LYPD6B: variants seen among roughly 807,000 people sequenced by gnomAD.
LYPD6B encodes the protein ly6/PLAUR domain-containing protein 6B.
A neutral mutation model predicts 22.8 loss-of-function variants in LYPD6B; 17 were observed. The ratio of observed to expected loss-of-function variants is 0.75; its 90% CI spans 0.51 to 1.12. The LOEUF is 1.12. Ranked by LOEUF, LYPD6B falls within the 50% of genes most tolerant of loss-of-function variation. The pLI, the probability that LYPD6B is intolerant of heterozygous loss-of-function variation, is 0.00. For synonymous variants in LYPD6B, 106 were observed against 91.6 expected, an observed-to-expected ratio of 1.16 and a Z score of -0.90; for missense variants, 221 against 258.3, an observed-to-expected ratio of 0.86 and a Z score of 0.99.
chr2:149,059,272 A>G (rs1471649), intron 1 of LYPD6B, among the ~76,000 whole-genome samples: 80,793 of 152,170 alleles, frequency 0.53, 22,801 homozygotes, highest in Non-Finnish European at 0.61. Context: ...TTAATAATGT[A>G]CATTCCTGTG....
intron 2 of LYPD6B, 182 bp downstream of exon 2, chr2:149,131,135 C>T (rs1688002753): frequency 1.9e-6 from 1 of 524,136 alleles, no homozygotes; most frequent in Admixed American, 3.6e-5. Flanking sequence ...GTATCTTCCC[C>T]TAATCATATT....
At chr2:149,054,446 T>A (rs1221149106) in intron 1 of LYPD6B, among the ~76,000 whole-genome samples, 2 of 152,248 alleles carry the variant, frequency 1.3e-5, no homozygotes, top group Non-Finnish European at 2.9e-5. Context: ...TTTTTTTGTC[T>A]TTTTATTCTA....
At chr2:149,113,718 A>G (rs1686869466) in intron 1 of LYPD6B, among the ~76,000 whole-genome samples, 1 of 152,194 alleles carries the variant, frequency 6.6e-6, no homozygotes, top group African/African-American at 2.4e-5. Flanking sequence ...AATAAAACCC[A>G]GATTTCATGC....
chr2:149,054,642 G>C (rs1404931658), intron 1 of LYPD6B, among the ~76,000 whole-genome samples: 2 of 152,102 alleles, frequency 1.3e-5, no homozygotes, highest in African/African-American at 4.8e-5. Context: ...TGAGTAAGCC[G>C]AGGTGGCAGG....
intron 1 of LYPD6B, among the ~76,000 whole-genome samples, chr2:149,056,097 G>A (rs1683775339): frequency 6.6e-6 from 1 of 152,174 alleles, no homozygotes; most frequent in Admixed American, 6.5e-5. Flanking sequence ...TTGGCATAAT[G>A]GCTACTAGAA....
At chr2:149,153,723 C>T (rs531554493) in intron 2 of LYPD6B, among the ~76,000 whole-genome samples, 1 of 151,608 alleles carries the variant, frequency 6.6e-6, no homozygotes, top group East Asian at 2.0e-4. Context: ...TGCAGTGAGC[C>T]GAGATCGTGC....
At chr2:149,104,761 T>A (rs1157090067) in intron 1 of LYPD6B, among the ~76,000 whole-genome samples, 2 of 151,638 alleles carry the variant, frequency 1.3e-5, no homozygotes, top group African/African-American at 2.4e-5. Flanking sequence ...GCTTTTAGTG[T>A]TATATGTAAG....
chr2:149,141,719 G>T (rs1406767453), intron 2 of LYPD6B, among the ~76,000 whole-genome samples: 1 of 152,004 alleles, frequency 6.6e-6, no homozygotes, highest in Non-Finnish European at 1.5e-5. Context: ...ATTTCCCAGG[G>T]CAACTATAAC....
intron 2 of LYPD6B, among the ~76,000 whole-genome samples, chr2:149,134,183 A>G (rs1270376838): frequency 6.6e-6 from 1 of 152,176 alleles, no homozygotes. Context: ...AGGATCAGGC[A>G]GAGGGCTTAG....
intron 1 of LYPD6B, among the ~76,000 whole-genome samples, chr2:149,100,086 T>C (rs569418093): frequency 1.3e-4 from 20 of 152,098 alleles, no homozygotes; most frequent in Non-Finnish European, 2.2e-4. Flanking sequence ...AAAAGATTGA[T>C]TTTTGATGCT....
At chr2:149,129,420 T>A (rs1356465006) in intron 1 of LYPD6B, among the ~76,000 whole-genome samples, 2 of 152,224 alleles carry the variant, frequency 1.3e-5, no homozygotes, top group African/African-American at 4.8e-5. Flanking sequence ...TCTGAATATG[T>A]GTCCCAACCC....
intron 1 of LYPD6B, among the ~76,000 whole-genome samples, chr2:149,102,941 C>G (rs1686283053): frequency 6.6e-6 from 1 of 152,202 alleles, no homozygotes. Context: ...GGGAACACAT[C>G]TATTAATACT....
chr2:149,060,604 A>G (rs1192336742), intron 1 of LYPD6B, among the ~76,000 whole-genome samples: 1 of 152,146 alleles, frequency 6.6e-6, no homozygotes, highest in Non-Finnish European at 1.5e-5. Flanking sequence ...CTGGCTGGAC[A>G]TGCAGTTTGG....
chr2:149,127,850 T>C (rs1306935185), intron 1 of LYPD6B, among the ~76,000 whole-genome samples: 1 of 152,188 alleles, frequency 6.6e-6, no homozygotes, highest in Non-Finnish European at 1.5e-5. Context: ...ACTACTCTAC[T>C]CTTGGTTTAT....
At chr2:149,054,724 A>G (rs1305761718) in intron 1 of LYPD6B, among the ~76,000 whole-genome samples, 1 of 152,158 alleles carries the variant, frequency 6.6e-6, no homozygotes, top group Admixed American at 6.5e-5. Flanking sequence ...AAAAGAAAAA[A>G]TAAAATTAGC....
intron 3 of LYPD6B, among the ~76,000 whole-genome samples, chr2:149,165,419 A>T (rs1690357482): frequency 1.3e-5 from 2 of 152,216 alleles, no homozygotes; most frequent in South Asian, 4.1e-4. Context: ...TTACTTTAAA[A>T]TTATTTTGTC....
chr2:149,106,627 G>C (rs532888641), intron 1 of LYPD6B, among the ~76,000 whole-genome samples: 7 of 152,080 alleles, frequency 4.6e-5, no homozygotes, highest in South Asian at 4.1e-4. Context: ...GTTGTCAACT[G>C]TTTCCTTCCT....
chr2:149,120,496 C>T (rs1687274476), intron 1 of LYPD6B, among the ~76,000 whole-genome samples: 1 of 146,392 alleles, frequency 6.8e-6, no homozygotes, highest in African/African-American at 2.5e-5. Context: ...CATTCTCCTG[C>T]CTCAGCCTCC....
intron 4 of LYPD6B, among the ~76,000 whole-genome samples, chr2:149,207,939 C>G (rs1216524724): frequency 2.0e-5 from 3 of 152,040 alleles, no homozygotes; most frequent in Non-Finnish European, 4.4e-5. Context: ...TCAGGTTAAT[C>G]TGACTCCAGT....
Sources: gnomAD v4.1 joint callset for allele counts (sites outside exome capture counted in the v4.1 genomes callset) on GRCh38, gnomAD v4.1.1 for gene constraint, MANE v1.5 for transcripts, NCBI Gene and HGNC (gene_info 2026-07-23, HGNC 2026-07-21) for gene names.